Variants in HDLBP observed in about 807,000 individuals in gnomAD.
HDLBP encodes the protein high density lipoprotein binding protein.
A neutral mutation model predicts 137.3 loss-of-function variants in HDLBP; 30 were observed. That is an observed-to-expected ratio of 0.22 (90% CI 0.16 to 0.30). The LOEUF (loss-of-function observed/expected upper bound fraction) is 0.30. Ranked by LOEUF, HDLBP falls within the 10% of genes least tolerant of loss-of-function variation. HDLBP has a pLI of 1.00. For missense variants in HDLBP, 1,119 were observed against 1,667.3 expected (o/e 0.67, Z 5.73); for synonymous variants, 606 against 596.0 (o/e 1.02, Z -0.24).
chr2:241,257,424 G>A (rs2072733964), intron 5 of HDLBP, among the ~76,000 whole-genome samples: 1 of 152,154 alleles, frequency 6.6e-6, no homozygotes, highest in Admixed American at 6.5e-5. Context: ...GTAGAGGCAG[G>A]GTTTCACCAT....
chr2:241,228,470 C>T lies in HDLBP; in HGVS notation c.*1131G>A, dbSNP rs923769098. The T allele has an allele frequency of 4.6e-5, 7 of 152,424 alleles. No individual in the cohort carries two copies. Among genetic ancestry groups the T allele is most frequent in the African/African-American group, 1.4e-4 (6 of 41,448 alleles). The allele number at this position is 152,424 out of a possible 1,614,324, so 9.4% of individuals were successfully genotyped here. A position where few individuals can be genotyped will look rare whatever the true frequency, so the allele number is the denominator to read the frequency against. On this transcript the variant is annotated 3_prime_UTR_variant, in exon 28 of 28. Transcript: ENST00000310931. The stretch of plus-strand genomic sequence containing the variant: ...GCTCCTAGGGGCTGGCCTGCACAGC[C>T]GGATGGCCTGTGGGCGGGGTGGAAG...
chr2:241,285,405 C>G (rs926295321), intron 1 of HDLBP, among the ~76,000 whole-genome samples: 1 of 152,146 alleles, frequency 6.6e-6, no homozygotes, highest in African/African-American at 2.4e-5. Context: ...CAGTCCGGGA[C>G]TGGGTAAACA....
At chr2:241,244,733 A>G (rs1295174750) in intron 16 of HDLBP, among the ~76,000 whole-genome samples, 1 of 152,242 alleles carries the variant, frequency 6.6e-6, no homozygotes, top group Non-Finnish European at 1.5e-5. Flanking sequence ...AGAAATGAAG[A>G]GCTCTAGAAA....
chr2:241,293,333 A>C lies in HDLBP; in HGVS notation c.-103+22237T>G, dbSNP rs12478770. The stretch of plus-strand genomic sequence containing the variant: ...CCACAAAAAAATAAAAAATACAATA[A>C]AATAAAATAAGAAAAGCCATGCATG... On this transcript the variant is annotated intron_variant, in intron 1 of 27. Coordinates refer to ENST00000310931, the MANE Select transcript of HDLBP (RefSeq NM_005336.6). Among the ~76,000 whole-genome samples the C allele has an allele frequency of 7.2e-3, 1,102 of 152,046 alleles. 32 individuals carry two copies. The South Asian group carries it at 0.074, about 10-fold the overall frequency.
Position 241,234,013 on chromosome 2 carries a change from T to C in HDLBP, c.3145-50A>G, listed in dbSNP as rs1003478245. ...AGGCAAAGATTGAGCTGATCCACCC[T>C]GTGACTCCATTCCCCTTCCACCCTG... is the stretch of plus-strand genomic sequence containing the variant. On this transcript the variant is annotated intron_variant, in intron 23 of 27. Coordinates refer to ENST00000310931, the MANE Select transcript of HDLBP (RefSeq NM_005336.6). 5.6e-6 allele frequency: 9 copies of C among 1,601,378 alleles called. 1 individual carries two copies. Among genetic ancestry groups the C allele is most frequent in the African/African-American group, 2.7e-5 (2 of 74,828 alleles).
intron 5 of HDLBP, among the ~76,000 whole-genome samples, chr2:241,261,260 T>TATA (rs2073151718): frequency 6.6e-6 from 1 of 151,364 alleles, no homozygotes; most frequent in African/African-American, 2.4e-5. Context: ...GACAGGACTC[T>TATA]ATAATCAAAT....
rs753251867 is a variant in HDLBP, at chr2:241,230,767, C to T, written c.3466G>A (p.Glu1156Lys). 3.1e-6 allele frequency: 5 copies of T among 1,613,782 alleles called. No homozygotes were observed. Among genetic ancestry groups the T allele is most frequent in the Admixed American group, 3.3e-5 (2 of 60,004 alleles). ...GCTTCCAGCCGGCTCACCTTGAATT[C>T]GTCCATGATTTTGCGAATGGCTTTG... ...RGKAIRKIMD[E>K]FKVDIRFPQS... is the part of the protein sequence containing the mutation. The change falls in exon 25 of 28, where the codon GAA becomes AAA. Residue 1156 changes from glutamate to lysine, a missense_variant. By Grantham distance (56) the Glu-to-Lys change is moderately conservative. Transcript: ENST00000310931. This position sits in a 1 kb window ranked among gnomAD's most constrained non-coding sequence, Gnocchi z 5.0.
intron 1 of HDLBP, chr2:241,269,323 C>G (rs1180542346): frequency 1.3e-5 from 2 of 152,238 alleles, no homozygotes; most frequent in Non-Finnish European, 2.9e-5. Flanking sequence ...ATGACAGTAA[C>G]AGGAACACCC....
At chr2:241,314,075 C>T (rs917001291) in intron 1 of HDLBP, among the ~76,000 whole-genome samples, 1 of 152,192 alleles carries the variant, frequency 6.6e-6, no homozygotes, top group Non-Finnish European at 1.5e-5. Context: ...GCTCCATTTT[C>T]CCCAAGTCTA....
chr2:241,249,116 G>C (rs1365671110), intron 12 of HDLBP, among the ~76,000 whole-genome samples: 1 of 152,138 alleles, frequency 6.6e-6, no homozygotes, highest in Admixed American at 6.5e-5. Flanking sequence ...CAAGCAGTGG[G>C]AGGCTGCATC....
rs1055165430 is a variant in HDLBP, at chr2:241,233,239, G to A, written c.3288+581C>T. On this transcript the variant is annotated intron_variant, in intron 24 of 27. Transcript: ENST00000310931. The surrounding 1 kb of genome is among the most constrained non-coding windows in gnomAD (Gnocchi z 4.3). ...AAGTGTGTGCAAGAGGGGGTGTTGG[G>A]TGAGGCTGCCCTGCATGCCAGGTGG... is the stretch of plus-strand genomic sequence containing the variant. Among the ~76,000 whole-genome samples the A allele has an allele frequency of 9.2e-5, 14 of 152,226 alleles. 1 individual carries two copies. The highest frequency in any genetic ancestry group is 4.1e-4 in the South Asian group (2 of 4,820).
rs1009159294 is a variant in HDLBP, at chr2:241,227,799, G to A, written c.*1802C>T. 6 of 152,316 alleles carry A rather than the reference G, an allele frequency of 3.9e-5. No homozygotes were observed. Among genetic ancestry groups the A allele is most frequent in the African/African-American group, 1.5e-4 (6 of 41,330 alleles). The allele number at this position is 152,316 out of a possible 1,614,324, so 9.4% of individuals were successfully genotyped here. On this transcript the variant is annotated 3_prime_UTR_variant, in exon 28 of 28. Transcript: ENST00000310931. ...AGGACAGAGTTCCAGAACTCATGCAGATGGGGAAGAGGTGACAGCCCTTCC... is the reference window on the plus strand; with the variant it reads ...AGGACAGAGTTCCAGAACTCATGCAAATGGGGAAGAGGTGACAGCCCTTCC...
At chr2:241,299,505 C>CA (rs11423330) in intron 1 of HDLBP, among the ~76,000 whole-genome samples, 11,397 of 49,242 alleles carry the variant, frequency 0.23, 1,381 homozygotes, top group East Asian at 0.31. Context: ...GGCTCCGTCT[C>CA]AAAAAAAAAA....
chr2:241,281,744 T>C (rs986199312), intron 1 of HDLBP, among the ~76,000 whole-genome samples: 5 of 152,238 alleles, frequency 3.3e-5, no homozygotes, highest in African/African-American at 1.2e-4. Context: ...TAAAACATTT[T>C]ATTATTAGTT....
At chr2:241,275,387 G>GA (rs2074352681) in intron 1 of HDLBP, among the ~76,000 whole-genome samples, 2 of 151,454 alleles carry the variant, frequency 1.3e-5, no homozygotes, top group Non-Finnish European at 2.9e-5. Flanking sequence ...TGACATTTTA[G>GA]AAAAAAAATC....
At position 241,272,763 on chromosome 2, in the gene HDLBP, G is replaced by A; in HGVS notation, c.-102-4222C>T. On this transcript the variant is annotated intron_variant, in intron 1 of 27. Transcript: ENST00000310931. This position sits in a 1 kb window ranked among gnomAD's most constrained non-coding sequence, Gnocchi z 5.6. ...CCAGCCCCGTGTTGCGCGCTCACTC[G>A]TGGGCCCCCGCCCGCTGGTCCTGCC... 3.4e-6 allele frequency: 1 copy of A among 294,698 alleles called. No individual in the cohort carries two copies. The highest frequency in any genetic ancestry group is 4.8e-6 in the Non-Finnish European group (1 of 209,030). 18.3% of individuals were successfully genotyped at this position (294,698 alleles called of 1,614,324 possible).
rs147601363 is a variant in HDLBP at position 241,243,982 on chromosome 2, G to A, written c.1951-1304C>T. Reference sequence around the variant, plus strand: ...CAGCCAGCCAAGGACAGAAAAACAGGTATTTAACTGTATTGTCTATGGCCA... The same window carrying A: ...CAGCCAGCCAAGGACAGAAAAACAGATATTTAACTGTATTGTCTATGGCCA... On this transcript the variant is annotated intron_variant, in intron 16 of 27. Transcript: ENST00000310931. Among the ~76,000 whole-genome samples, 919 of 152,144 alleles carry A rather than the reference G, an allele frequency of 6.0e-3. 6 individuals are homozygous for A. Among genetic ancestry groups the A allele is most frequent in the Non-Finnish European group, 8.4e-3 (568 of 67,982 alleles).
intron 1 of HDLBP, among the ~76,000 whole-genome samples, chr2:241,298,576 A>T (rs1255071237): frequency 1.3e-5 from 2 of 152,198 alleles, no homozygotes; most frequent in African/African-American, 4.8e-5. Flanking sequence ...TAGTTGAGAT[A>T]ACTGAAAGTT....
chr2:241,240,054 C>T lies in HDLBP; in HGVS notation c.2238G>A (p.Gly746=). 6.2e-7 allele frequency: 1 copy of T among 1,614,198 alleles called. No individual in the cohort carries two copies. Among genetic ancestry groups the T allele is most frequent in the Non-Finnish European group, 8.5e-7 (1 of 1,180,038 alleles). ...CGCGCACCTTGCGAATTTTGCCGCC[C>T]CCCTTGCCGATGAGGAATTTGTGGT... ...PEYHKFLIGK[G]GGKIRKVRDS... The change falls in exon 18 of 28, where the codon GGG becomes GGA. Residue 746 remains glycine, a synonymous_variant. Coordinates refer to ENST00000310931, the MANE Select transcript of HDLBP (RefSeq NM_005336.6). This position sits in a 1 kb window ranked among gnomAD's most constrained non-coding sequence, Gnocchi z 5.5.
Sources: gnomAD v4.1 joint callset for allele counts (sites outside exome capture counted in the v4.1 genomes callset) on GRCh38, gnomAD v4.1.1 for gene constraint, Gnocchi (gnomAD v3.1) non-coding constraint, MANE v1.5 for transcripts, NCBI Gene and HGNC (gene_info 2026-07-23, HGNC 2026-07-21) for gene names.